The following TMEM182 variants were observed in gnomAD, a reference collection of about 807,000 sequenced individuals.
TMEM182 encodes the protein transmembrane protein 182.
Under a neutral mutation model 26.8 loss-of-function variants are expected in TMEM182, and 20 were observed. That is an observed-to-expected ratio of 0.75 (90% confidence interval 0.53 to 1.09). The LOEUF (loss-of-function observed/expected upper bound fraction) is 1.09, where lower values mean the gene tolerates loss of function less well. Among genes scored for constraint, TMEM182 ranks in the 50% least tolerant of loss-of-function variants. The pLI is 0.00. For synonymous variants in TMEM182, 109 were observed against 102.2 expected (o/e 1.07, Z -0.40); for missense variants, 277 against 275.5 (o/e 1.01, Z -0.04).
At chr2:102,836,049 C>T (rs1683240967) in intron 3 of TMEM182, among the ~76,000 whole-genome samples, 1 of 152,196 alleles carries the variant, frequency 6.6e-6, no homozygotes, top group African/African-American at 2.4e-5. Context: ...GAAGGTTCCT[C>T]CATTTCTTGT....
chr2:102,743,634 T>A (rs1041886113), intron 1 of TMEM182, among the ~76,000 whole-genome samples: 4 of 152,196 alleles, frequency 2.6e-5, no homozygotes, highest in African/African-American at 4.8e-5. Context: ...ATAATCACTT[T>A]AAATGTGATT....
At chr2:102,790,000 G>A (rs983657381) in intron 3 of TMEM182, among the ~76,000 whole-genome samples, 2 of 152,118 alleles carry the variant, frequency 1.3e-5, no homozygotes, top group Non-Finnish European at 2.9e-5. Flanking sequence ...CTGCTACTCA[G>A]CCCTGAAATC....
At chr2:102,776,451 G>A (rs543084223) in intron 3 of TMEM182, among the ~76,000 whole-genome samples, 1 of 152,054 alleles carries the variant, frequency 6.6e-6, no homozygotes, top group Admixed American at 6.6e-5. Context: ...CTTTCACTTA[G>A]TATGTGCATT....
rs1436314362 is a variant in TMEM182, at chr2:102,816,394, T to C, written c.*1426T>C. The C allele has an allele frequency of 1.2e-5, 12 of 985,102 alleles. No homozygotes were observed. Among genetic ancestry groups the C allele is most frequent in the Non-Finnish European group, 1.4e-5 (12 of 829,890 alleles). 61.0% of individuals were successfully genotyped at this position (985,102 alleles called of 1,614,324 possible). The stretch of plus-strand genomic sequence containing the variant: ...TCTTCCAATGCCGTGGGAGAGGTGA[T>C]CCCAGTCTTCTCTGTACATCTTGTG... On this transcript the variant is annotated 3_prime_UTR_variant, in exon 5 of 5. Coordinates refer to ENST00000412401, the MANE Select transcript of TMEM182 (RefSeq NM_144632.5).
At chr2:102,783,049 C>G (rs558921164) in intron 3 of TMEM182, among the ~76,000 whole-genome samples, 125 of 152,258 alleles carry the variant, frequency 8.2e-4, no homozygotes, top group African/African-American at 2.8e-3. Flanking sequence ...TTATGGAAAG[C>G]AAAGTGTTAA....
intron 3 of TMEM182, among the ~76,000 whole-genome samples, chr2:102,766,477 CA>C (rs1400823804): frequency 2.0e-5 from 3 of 152,120 alleles, no homozygotes; most frequent in African/African-American, 7.2e-5. Context: ...TTGAGATGTG[CA>C]AAGATGTGTT....
chr2:102,816,786 A>T lies in TMEM182; in HGVS notation c.*1818A>T, dbSNP rs537993707. On this transcript the variant is annotated 3_prime_UTR_variant, in exon 5 of 5. Transcript: ENST00000412401. ...GATGTTGGATGTATCTGATTAGTTCATGTCATCTGTAAATACAATTCTTTT... is the reference window on the plus strand; with the variant it reads ...GATGTTGGATGTATCTGATTAGTTCTTGTCATCTGTAAATACAATTCTTTT... The T allele has an allele frequency of 1.0e-6, 1 of 985,676 alleles. No individual in the cohort carries two copies. The highest frequency in any genetic ancestry group is 1.7e-5 in the African/African-American group (1 of 57,218). 61.1% of individuals were successfully genotyped at this position (985,676 alleles called of 1,614,324 possible).
intron 4 of TMEM182, among the ~76,000 whole-genome samples, chr2:102,805,135 C>G (rs542489143): frequency 3.9e-5 from 6 of 152,182 alleles, no homozygotes; most frequent in Non-Finnish European, 7.3e-5. Flanking sequence ...CTTTTATTTA[C>G]AAAAATATTT....
At chr2:102,810,141 C>G (rs1490156953) in intron 4 of TMEM182, among the ~76,000 whole-genome samples, 1 of 152,070 alleles carries the variant, frequency 6.6e-6, no homozygotes, top group Non-Finnish European at 1.5e-5. Context: ...AAAAAAAATA[C>G]ATGTAAGAGT....
intron 3 of TMEM182, among the ~76,000 whole-genome samples, chr2:102,828,714 A>C (rs562356017): frequency 6.6e-6 from 1 of 152,246 alleles, no homozygotes; most frequent in South Asian, 2.1e-4. Flanking sequence ...ACACTAGGCT[A>C]CCCCACAATA....
At chr2:102,832,778 C>T (rs1167216834) in intron 3 of TMEM182, among the ~76,000 whole-genome samples, 6 of 152,262 alleles carry the variant, frequency 3.9e-5, no homozygotes, top group Non-Finnish European at 8.8e-5. Flanking sequence ...TCTCCCCCAC[C>T]ACACACACAC....
intron 3 of TMEM182, among the ~76,000 whole-genome samples, chr2:102,796,253 C>G (rs1173987275): frequency 6.6e-6 from 1 of 152,200 alleles, no homozygotes; most frequent in Non-Finnish European, 1.5e-5. Flanking sequence ...AACTTGATCT[C>G]TGTTAAGACT....
chr2:102,765,766 C>T (rs1245270309), intron 3 of TMEM182, among the ~76,000 whole-genome samples: 1 of 152,048 alleles, frequency 6.6e-6, no homozygotes, highest in Non-Finnish European at 1.5e-5. Context: ...CTGTGCTTGT[C>T]CACCAGGATT....
In TMEM182 at chr2:102,817,311, G is replaced by A; in HGVS notation, c.*2343G>A. 1.0e-6 allele frequency: 1 copy of A among 985,278 alleles called. No individual in the cohort carries two copies. The highest frequency in any genetic ancestry group is 1.2e-6 in the Non-Finnish European group (1 of 829,866). 61.0% of individuals were successfully genotyped at this position (985,278 alleles called of 1,614,324 possible). The stretch of plus-strand genomic sequence containing the variant: ...TGTTAGAATCTTTTTGAAAAATGTT[G>A]ATTTTGCATCATAAAGTTTCAATTT... On this transcript the variant is annotated 3_prime_UTR_variant, in exon 5 of 5. Transcript: ENST00000412401.
chr2:102,766,821 A>G (rs1680471176), intron 3 of TMEM182, among the ~76,000 whole-genome samples: 1 of 152,232 alleles, frequency 6.6e-6, no homozygotes, highest in South Asian at 2.1e-4. Context: ...TGTTGGTGAA[A>G]TGGCTTTATA....
intron 1 of TMEM182, among the ~76,000 whole-genome samples, chr2:102,753,203 C>G (rs370603581): frequency 2.6e-5 from 4 of 151,798 alleles, no homozygotes; most frequent in African/African-American, 4.8e-5. Flanking sequence ...TTCCCCCCCC[C>G]ACTGCCTTCA....
At chr2:102,787,536 G>A (rs1239467325) in intron 3 of TMEM182, among the ~76,000 whole-genome samples, 1 of 152,212 alleles carries the variant, frequency 6.6e-6, no homozygotes, top group Non-Finnish European at 1.5e-5. Flanking sequence ...GAGTGAGTGA[G>A]CACATTCAGT....
chr2:102,760,627 G>GT (rs574037810), upstream of TMEM182, among the ~76,000 whole-genome samples: 17 of 151,120 alleles, frequency 1.1e-4, no homozygotes, highest in East Asian at 3.9e-4. Context: ...TTTGTTTTTT[G>GT]TTTTTTTTGA....
rs80034557 is a variant in TMEM182, at chr2:102,835,382, C to T, written c.326-8030C>T. On this transcript the variant is annotated intron_variant, in intron 3 of 3. Coordinates refer to the TMEM182 transcript ENST00000486293. ...ATTTCTCATGTGCTCCCTGCCCACACGCAGGCACAGCCTCCTCTGTTACCA... is the reference window on the plus strand; with the variant it reads ...ATTTCTCATGTGCTCCCTGCCCACATGCAGGCACAGCCTCCTCTGTTACCA... 2.5e-3 allele frequency among the ~76,000 whole-genome samples: 376 copies of T among 152,310 alleles called. 2 individuals are homozygous for T. The highest frequency in any genetic ancestry group is 3.8e-3 in the Non-Finnish European group (261 of 68,030).
Sources: gnomAD v4.1 joint callset for allele counts (sites outside exome capture counted in the v4.1 genomes callset) on GRCh38, gnomAD v4.1.1 for gene constraint, MANE v1.5 for transcripts, NCBI Gene and HGNC (gene_info 2026-07-23, HGNC 2026-07-21) for gene names.